MARCHF6: variants seen among roughly 807,000 people sequenced by gnomAD.
The protein encoded by MARCHF6 is membrane associated ring-CH-type finger 6.
In MARCHF6, 31 loss-of-function variants were observed where a neutral mutation model predicts 133.7. The ratio of observed to expected loss-of-function variants is 0.23; its 90% CI spans 0.17 to 0.31. The LOEUF (loss-of-function observed/expected upper bound fraction) is 0.31. Ranked by LOEUF, MARCHF6 falls within the 10% of genes least tolerant of loss-of-function variation. MARCHF6 has a pLI of 1.00. For missense variants in MARCHF6, 723 were observed against 1,121.6 expected (o/e 0.64, Z 5.08); for synonymous variants, 395 against 402.5 (o/e 0.98, Z 0.22).
intron 7 of MARCHF6, among the ~76,000 whole-genome samples, chr5:10,392,120 G>A (rs900564854): frequency 5.3e-5 from 8 of 152,054 alleles, no homozygotes; most frequent in East Asian, 1.9e-4. Flanking sequence ...CACCACGCCC[G>A]GCTAATATTT....
At chr5:10,357,691 C>T (rs1735562147) in intron 1 of MARCHF6, among the ~76,000 whole-genome samples, 1 of 152,184 alleles carries the variant, frequency 6.6e-6, no homozygotes. Flanking sequence ...CATTACCTTT[C>T]ACTGTTTTGG....
At chr5:10,413,860 T>C (rs1388783368) in intron 19 of MARCHF6, among the ~76,000 whole-genome samples, 1 of 152,164 alleles carries the variant, frequency 6.6e-6, no homozygotes, top group Non-Finnish European at 1.5e-5. Flanking sequence ...CAATTCAAGG[T>C]GAGATTTGAG....
At chr5:10,409,768 G>A (rs1739113533) in intron 17 of MARCHF6, among the ~76,000 whole-genome samples, 1 of 152,178 alleles carries the variant, frequency 6.6e-6, no homozygotes, top group Admixed American at 6.5e-5. Flanking sequence ...GAGATGAAGG[G>A]GAGGTAGCAG....
At chr5:10,363,210 A>G (rs112637070) in intron 1 of MARCHF6, among the ~76,000 whole-genome samples, 3,621 of 152,304 alleles carry the variant, frequency 0.024, 83 homozygotes, top group Non-Finnish European at 0.037. Flanking sequence ...AAAATTCAGA[A>G]TTTCTTTCAA....
chr5:10,357,961 G>T (rs1735579805), intron 1 of MARCHF6, among the ~76,000 whole-genome samples: 1 of 137,222 alleles, frequency 7.3e-6, no homozygotes, highest in Admixed American at 8.1e-5. Context: ...TGAGGGCATG[G>T]GTTGCTTTTT....
chr5:10,397,957 G>A (rs925116387), intron 10 of MARCHF6, among the ~76,000 whole-genome samples: 3 of 152,318 alleles, frequency 2.0e-5, no homozygotes, highest in Non-Finnish European at 4.4e-5. Flanking sequence ...TGTTGACAGA[G>A]GTTTTTCTCC....
intron 22 of MARCHF6, among the ~76,000 whole-genome samples, chr5:10,417,828 A>C (rs1739600432): frequency 6.6e-6 from 1 of 151,814 alleles, no homozygotes; most frequent in Non-Finnish European, 1.5e-5. Flanking sequence ...AATTCTAGGA[A>C]CTCTTATAAA....
chr5:10,353,897 A>T lies in MARCHF6; in HGVS notation c.-2A>T, dbSNP rs768121724. ...TGCGTCACCGCCGCCCCCCCAGACAAGATGGACACCGCGGAGGAAGGTAAG... is the reference window on the plus strand; with the variant it reads ...TGCGTCACCGCCGCCCCCCCAGACATGATGGACACCGCGGAGGAAGGTAAG... On this transcript the variant is annotated 5_prime_UTR_variant, in exon 1 of 26. In the 5' UTR this introduces an upstream ATG that the reference lacks. Transcript: ENST00000274140. The T allele has an allele frequency of 1.3e-6, 2 of 1,564,914 alleles. No homozygotes were observed. The highest frequency in any genetic ancestry group is 1.7e-6 in the Non-Finnish European group (2 of 1,159,766).
intron 1 of MARCHF6, among the ~76,000 whole-genome samples, chr5:10,374,652 G>T (rs181607462): frequency 9.0e-4 from 137 of 152,312 alleles, no homozygotes; most frequent in Non-Finnish European, 1.6e-3. Context: ...TTTTGCCAAG[G>T]ATGTTTTCAT....
At chr5:10,429,828 A>C in intron 24 of MARCHF6, 65 bp from the exon 25 acceptor site, 1 of 1,351,648 alleles carries the variant, frequency 7.4e-7, no homozygotes, top group Non-Finnish European at 1.1e-6. Flanking sequence ...GGGGAAGGAC[A>C]TGTTTACGTT....
chr5:10,375,703 C>G (rs1481613913), intron 1 of MARCHF6, among the ~76,000 whole-genome samples: 2 of 152,176 alleles, frequency 1.3e-5, no homozygotes, highest in Non-Finnish European at 2.9e-5. Flanking sequence ...GTGTTTAGCT[C>G]AAGGTTTGTG....
At chr5:10,363,416 A>G (rs936304859) in intron 1 of MARCHF6, among the ~76,000 whole-genome samples, 1 of 152,240 alleles carries the variant, frequency 6.6e-6, no homozygotes, top group African/African-American at 2.4e-5. Flanking sequence ...CAAATATGCT[A>G]AGCATCATTA....
intron 19 of MARCHF6, among the ~76,000 whole-genome samples, chr5:10,413,874 G>T (rs1218784249): frequency 2.6e-5 from 4 of 152,034 alleles, no homozygotes; most frequent in Non-Finnish European, 5.9e-5. Context: ...ATTTGAGTGG[G>T]GACACAGTCA....
In MARCHF6 at chr5:10,405,605, A is replaced by G. The variant is rs1738838301; in HGVS notation, c.1380A>G (p.Pro460=). The change falls in exon 16 of 26, where the codon CCA becomes CCG. Residue 460 remains proline (P), a synonymous_variant. Transcript: ENST00000274140. ...VLWFLRNLND[P]DFNPVQEMIH... ...GGTTTCTAAGGAATTTGAATGATCC[A>G]GATTTCAATCCAGTACAGGAAATGA... 1.9e-6 allele frequency: 3 copies of G among 1,610,594 alleles called. No individual in the cohort carries two copies. Among genetic ancestry groups the G allele is most frequent in the Non-Finnish European group, 2.5e-6 (3 of 1,178,814 alleles).
chr5:10,417,324 C>A lies in MARCHF6; in HGVS notation c.2203C>A (p.Leu735Met), dbSNP rs368816398. ...VLLAGVVPLLLGLLFELVIVA... is the reference protein window; with the variant it reads ...VLLAGVVPLLMGLLFELVIVA... ...GTTGGCTGGAGTTGTCCCTCTCCTT[C>A]TGGGGCTCCTGTTTGAGCTGGTCAT... The change falls in exon 22 of 26, where the codon CTG becomes ATG. Residue 735 changes from leucine to methionine, a missense_variant. This residue lies in a region of MARCHF6 where 492 missense variants were observed against 699.5 expected (regional missense o/e 0.70). Coordinates refer to ENST00000274140, the MANE Select transcript of MARCHF6 (RefSeq NM_005885.4). 1.2e-6 allele frequency: 2 copies of A among 1,614,152 alleles called. No individual in the cohort carries two copies. The highest frequency in any genetic ancestry group is 8.5e-7 in the Non-Finnish European group (1 of 1,180,034).
intron 2 of MARCHF6, among the ~76,000 whole-genome samples, 184 bp downstream of exon 2, chr5:10,378,078 T>G (rs1736896631): frequency 6.6e-6 from 1 of 152,222 alleles, no homozygotes; most frequent in African/African-American, 2.4e-5. Context: ...GAAAAGAAAT[T>G]ATCCATTAAT....
At chr5:10,415,455 A>G (rs1161313912) in intron 20 of MARCHF6, 33 bp from the exon 21 acceptor site, 4 of 1,588,306 alleles carry the variant, frequency 2.5e-6, no homozygotes, top group Admixed American at 1.7e-5. Flanking sequence ...TTACCTAGCC[A>G]CATGTCTCAT....
intron 22 of MARCHF6, among the ~76,000 whole-genome samples, chr5:10,418,963 ACT>A (rs1439031771): frequency 2.6e-5 from 4 of 152,218 alleles, no homozygotes; most frequent in Non-Finnish European, 4.4e-5. Flanking sequence ...AGCCAACCTA[ACT>A]AGTAGAGAAC....
intron 5 of MARCHF6, among the ~76,000 whole-genome samples, chr5:10,387,570 T>A (rs1737562115): frequency 6.6e-6 from 1 of 152,210 alleles, no homozygotes; most frequent in South Asian, 2.1e-4. Flanking sequence ...CCCAAAGTGC[T>A]GGGATTACAG....
Sources: gnomAD v4.1 joint callset for allele counts (sites outside exome capture counted in the v4.1 genomes callset) on GRCh38, gnomAD v4.1.1 for gene constraint, gnomAD v4.1.1 regional missense constraint, MANE v1.5 for transcripts, NCBI Gene and HGNC (gene_info 2026-07-23, HGNC 2026-07-21) for gene names.